Variants in RBM25 observed in about 807,000 individuals in gnomAD.
RBM25 encodes RNA-binding protein 25.
A neutral mutation model predicts 120.7 loss-of-function variants in RBM25; 19 were observed. That is an observed-to-expected ratio of 0.16 (90% confidence interval 0.11 to 0.23). The LOEUF is 0.23. RBM25 is among the 10% of genes least tolerant of loss of function. RBM25 has a pLI of 1.00. For synonymous variants in RBM25, 390 were observed against 326.7 expected (o/e 1.19, Z -2.09); for missense variants, 605 against 1,041.5 (o/e 0.58, Z 5.77).
intron 2 of RBM25, among the ~76,000 whole-genome samples, chr14:73,072,072 A>C (rs1192095424): frequency 6.6e-6 from 1 of 152,002 alleles, no homozygotes; most frequent in Non-Finnish European, 1.5e-5. Context: ...TCCTAGGCTC[A>C]AGCAGTTCTC....
At chr14:73,095,076 G>A (rs1485124665) in intron 6 of RBM25, among the ~76,000 whole-genome samples, 1 of 151,762 alleles carries the variant, frequency 6.6e-6, no homozygotes, top group Non-Finnish European at 1.5e-5. Context: ...GGCAGGTCTC[G>A]AACTCCTGAC....
At chr14:73,102,974 T>C (rs1896084265) in intron 9 of RBM25, 10 of 854,470 alleles carry the variant, frequency 1.2e-5, no homozygotes, top group Non-Finnish European at 1.7e-5. Context: ...GCATCCAAGA[T>C]TGGAGATTCC....
rs553294488 is a variant in RBM25 at position 73,069,429 on chromosome 14, A to G, written c.-15-2198A>G. On this transcript the variant is annotated intron_variant, in intron 1 of 18. Transcript: ENST00000261973. ...TGTTTCTGTAAAACATGAAAGACAA[A>G]ATAGTAGAGACAAATATTTTTGTTT... 2.6e-5 allele frequency among the ~76,000 whole-genome samples: 4 copies of G among 152,184 alleles called. No homozygotes were observed. In the South Asian group the frequency reaches 8.3e-4, roughly 32 times the overall value.
At chr14:73,061,421 A>G (rs149984041) in intron 1 of RBM25, among the ~76,000 whole-genome samples, 2,429 of 151,446 alleles carry the variant, frequency 0.016, 143 homozygotes, top group Non-Finnish European at 0.027. Context: ...CTGTAAGTGC[A>G]CAATTCAATG....
chr14:73,117,115 G>A (rs1470474283), intron 18 of RBM25, among the ~76,000 whole-genome samples: 1 of 151,276 alleles, frequency 6.6e-6, no homozygotes, highest in Non-Finnish European at 1.5e-5. Context: ...AGTCAAATCT[G>A]GCTCATAGAA....
intron 17 of RBM25, 83 bp downstream of exon 17, chr14:73,112,333 C>A: frequency 7.8e-7 from 1 of 1,289,190 alleles, no homozygotes; most frequent in Non-Finnish European, 1.0e-6. Context: ...AGAAATTTTA[C>A]AGAGTCAAGT....
At chr14:73,090,818 G>A (rs1052033462) in intron 6 of RBM25, among the ~76,000 whole-genome samples, 4 of 152,154 alleles carry the variant, frequency 2.6e-5, no homozygotes, top group Admixed American at 2.0e-4. Context: ...CTAAAGCAAG[G>A]ATGGAATTAA....
At chr14:73,070,745 G>A (rs527401202) in intron 1 of RBM25, among the ~76,000 whole-genome samples, 48 of 152,160 alleles carry the variant, frequency 3.2e-4, no homozygotes, top group African/African-American at 9.9e-4. Flanking sequence ...TCAGGAGACC[G>A]AGACCATCTT....
rs776851752 is a variant in RBM25, at chr14:73,101,867, T to C, written c.868-1325T>C. The C allele has an allele frequency of 2.4e-4, 37 of 152,230 alleles. 1 individual carries two copies. Among genetic ancestry groups the C allele is most frequent in the Admixed American group, 1.0e-3 (16 of 15,278 alleles). 9.4% of individuals were successfully genotyped at this position (152,230 alleles called of 1,614,324 possible). The stretch of plus-strand genomic sequence containing the variant: ...TGGAACTGTTTCAGAAATGAGATTT[T>C]TCCCCCTTTAATAGCTGTTAGTTTC... On this transcript the variant is annotated intron_variant, in intron 9 of 18. Coordinates refer to ENST00000261973, the MANE Select transcript of RBM25 (RefSeq NM_021239.3).
intron 10 of RBM25, among the ~76,000 whole-genome samples, chr14:73,104,665 C>T (rs1055939877): frequency 3.3e-5 from 5 of 151,970 alleles, no homozygotes; most frequent in African/African-American, 1.2e-4. Context: ...CCATGCCCGG[C>T]CTTATATTGA....
At chr14:73,092,024 G>A (rs868002227) in intron 6 of RBM25, among the ~76,000 whole-genome samples, 13 of 152,116 alleles carry the variant, frequency 8.5e-5, no homozygotes, top group South Asian at 8.3e-4. Context: ...CTTCTTGCCC[G>A]GTGGTACTTG....
Position 73,071,666 on chromosome 14 carries a change from C to T in RBM25, c.25C>T (p.Arg9Cys). ...AATGTCTTTTCCACCTCATTTGAAT[C>T]GCCCTCCCATGGGAATCCCAGCACT... MSFPPHLN[R>C]PPMGIPALPP... Residue 9 changes from arginine (R) to cysteine (C), a missense_variant, in exon 2 of 19, where the codon CGC becomes TGC. This residue lies in a region of RBM25 where 90 missense variants were observed against 107.3 expected (regional missense o/e 0.84). Coordinates refer to ENST00000261973, the MANE Select transcript of RBM25 (RefSeq NM_021239.3). The T allele has an allele frequency of 1.2e-6, 2 of 1,613,684 alleles. No homozygotes were observed. The highest frequency in any genetic ancestry group is 1.7e-6 in the Non-Finnish European group (2 of 1,179,710).
At chr14:73,077,294 T>A (rs1369017566) in intron 3 of RBM25, 75 bp from the exon 4 acceptor site, 10 of 1,282,894 alleles carry the variant, frequency 7.8e-6, no homozygotes, top group African/African-American at 1.5e-5. Context: ...TTAATCCTGA[T>A]GTTTTTAGCC....
chr14:73,089,132 ACT>A (rs1566590674), intron 6 of RBM25, among the ~76,000 whole-genome samples: 1 of 151,846 alleles, frequency 6.6e-6, no homozygotes, highest in Non-Finnish European at 1.5e-5. Context: ...CTAGAGTGAA[ACT>A]CTGTCTCCCT....
intron 9 of RBM25, chr14:73,102,201 A>G (rs1386047409): frequency 6.6e-6 from 1 of 152,226 alleles, no homozygotes; most frequent in Non-Finnish European, 1.5e-5. Context: ...AACAAAAGGG[A>G]TAAATGTGTT....
At chr14:73,090,709 T>C (rs1895794811) in intron 6 of RBM25, among the ~76,000 whole-genome samples, 1 of 152,142 alleles carries the variant, frequency 6.6e-6, no homozygotes, top group African/African-American at 2.4e-5. Flanking sequence ...CATATTCTCT[T>C]TCAACCCCCA....
chr14:73,099,942 A>C, intron 9 of RBM25, 192 bp downstream of exon 9: 4 of 810,318 alleles, frequency 4.9e-6, no homozygotes, highest in Non-Finnish European at 6.9e-6. Flanking sequence ...TGTTGTGCTT[A>C]GTTTTTTCAG....
At chr14:73,074,962 G>A (rs555975771) in intron 2 of RBM25, among the ~76,000 whole-genome samples, 7 of 150,768 alleles carry the variant, frequency 4.6e-5, no homozygotes, top group Admixed American at 4.6e-4. Flanking sequence ...GATTATGGGT[G>A]TGAGCTACCG....
chr14:73,101,500 G>A (rs948355397), intron 9 of RBM25: 4 of 142,488 alleles, frequency 2.8e-5, no homozygotes, highest in Admixed American at 1.4e-4. Flanking sequence ...ACCTGTATTT[G>A]TATACATGTG....
Sources: allele counts gnomAD v4.1 joint callset (sites outside exome capture counted in the v4.1 genomes callset), GRCh38; gene constraint gnomAD v4.1.1; regional missense constraint gnomAD v4.1.1; transcripts MANE v1.5; gene names NCBI Gene and HGNC (gene_info 2026-07-23, HGNC 2026-07-21).